Variants in PCDHGA3 observed in about 807,000 individuals in gnomAD.
PCDHGA3 encodes the protein protocadherin gamma subfamily A, 3, also known as protocadherin gamma-A3.
Under a neutral mutation model 58.5 loss-of-function variants are expected in PCDHGA3, and 40 were observed. The ratio of observed to expected loss-of-function variants is 0.68; its 90% CI spans 0.53 to 0.89. The LOEUF is 0.89. PCDHGA3 is among the 40% of genes least tolerant of loss of function. The pLI is 0.00. For synonymous variants in PCDHGA3, 530 were observed against 525.7 expected (o/e 1.01, Z -0.11); for missense variants, 1,223 against 1,195.9 (o/e 1.02, Z -0.33).
At chr5:141,497,214 G>C (rs929868102) in intron 2 of PCDHGA3, among the ~76,000 whole-genome samples, 2 of 152,138 alleles carry the variant, frequency 1.3e-5, no homozygotes, top group African/African-American at 4.8e-5. Flanking sequence ...TGTAATGGGG[G>C]GGGGAAGATC....
intron 1 of PCDHGA3, chr5:141,359,926 C>T: frequency 2.2e-6 from 1 of 454,778 alleles, no homozygotes; most frequent in Non-Finnish European, 3.7e-6. Flanking sequence ...CCTGAGAAAA[C>T]CTCTGAGCGT....
rs189824439 is a variant in PCDHGA3 at position 141,393,729 on chromosome 5, A to G, written c.2424+47272A>G. ...TACTGGGGAAATATCAATAGCAAAA[A>G]GTCTAGATTATGAAGAATGTTCATT... On this transcript the variant is annotated intron_variant, in intron 1 of 3. Transcript: ENST00000253812. 7.2e-4 allele frequency: 1,163 copies of G among 1,613,856 alleles called. 2 individuals carry two copies. Among genetic ancestry groups the G allele is most frequent in the Non-Finnish European group, 7.9e-4 (934 of 1,179,868 alleles).
intron 1 of PCDHGA3, among the ~76,000 whole-genome samples, chr5:141,386,959 G>A (rs1339408726): frequency 6.6e-6 from 1 of 152,220 alleles, no homozygotes; most frequent in Non-Finnish European, 1.5e-5. Flanking sequence ...CAGTGCAGCA[G>A]ATCTCAGTGA....
chr5:141,419,759 G>A (rs1179602962), intron 1 of PCDHGA3: 2 of 1,614,004 alleles, frequency 1.2e-6, no homozygotes, highest in Admixed American at 3.3e-5. Context: ...TGCTTTGGGT[G>A]ACAAGGACTC....
chr5:141,490,229 T>C lies in PCDHGA3; in HGVS notation c.2425-4578T>C. The C allele has an allele frequency of 6.2e-7, 1 of 1,614,198 alleles. No individual in the cohort carries two copies. Among genetic ancestry groups the C allele is most frequent in the Non-Finnish European group, 8.5e-7 (1 of 1,180,034 alleles). On this transcript the variant is annotated intron_variant, in intron 1 of 3. Coordinates refer to ENST00000253812, the MANE Select transcript of PCDHGA3 (RefSeq NM_018916.4). The surrounding 1 kb of genome is among the most constrained non-coding windows in gnomAD (Gnocchi z 5.4). ...GCCCGTGACCAGGGACAGCCTGCCA[T>C]GGAGGGCCACTGTGTGATTCAAGTG... is the stretch of plus-strand genomic sequence containing the variant.
In PCDHGA3 at chr5:141,476,529, A is replaced by G. The variant is rs752442904; in HGVS notation, c.2425-18278A>G. On this transcript the variant is annotated intron_variant, in intron 1 of 3. Coordinates refer to ENST00000253812, the MANE Select transcript of PCDHGA3 (RefSeq NM_018916.4). The surrounding 1 kb of genome is among the most constrained non-coding windows in gnomAD (Gnocchi z 7.6). ...GACAACAATCCTGCTTTCCCTACCCAGGAAATGAAATTGGAGATTAGCGAG... is the reference window on the plus strand; with the variant it reads ...GACAACAATCCTGCTTTCCCTACCCGGGAAATGAAATTGGAGATTAGCGAG... 2.8e-5 allele frequency: 46 copies of G among 1,614,198 alleles called. No individual in the cohort carries two copies. Among genetic ancestry groups the G allele is most frequent in the Non-Finnish European group, 3.8e-5 (45 of 1,180,044 alleles).
intron 1 of PCDHGA3, among the ~76,000 whole-genome samples, chr5:141,363,599 G>A (rs1470952718): frequency 1.3e-5 from 2 of 152,206 alleles, no homozygotes; most frequent in African/African-American, 2.4e-5. Context: ...CAACTCAAAC[G>A]CTGTCTGAGA....
Position 141,356,831 on chromosome 5 carries a change from G to T in PCDHGA3, c.2424+10374G>T, listed in dbSNP as rs763145787. ...GACAGTGGAGACCCTCCACTCAGCA[G>T]CAATGTGTCACTGAGCCTCTTTGTG... On this transcript the variant is annotated intron_variant, in intron 1 of 3. Transcript: ENST00000253812. 40 of 1,614,030 alleles carry T rather than the reference G, an allele frequency of 2.5e-5. No individual in the cohort carries two copies. The highest frequency in any genetic ancestry group is 3.2e-5 in the Non-Finnish European group (38 of 1,180,004).
chr5:141,422,703 G>A (rs1473348513), intron 1 of PCDHGA3: 1 of 1,603,132 alleles, frequency 6.2e-7, no homozygotes, highest in Admixed American at 1.7e-5. Context: ...CTTACTCTCT[G>A]ACGGATGACA....
chr5:141,506,415 C>T lies in PCDHGA3; in HGVS notation c.2572+934C>T, dbSNP rs2099853185. 2.0e-5 allele frequency among the ~76,000 whole-genome samples: 3 copies of T among 148,290 alleles called. No homozygotes were observed. The South Asian group carries it at 6.4e-4, about 32-fold the overall frequency. On this transcript the variant is annotated intron_variant, in intron 3 of 3. Coordinates refer to ENST00000253812, the MANE Select transcript of PCDHGA3 (RefSeq NM_018916.4). ...GAGCAGAAAATCGCACCACTGCACT[C>T]CAGCCTGGGCAACAGTCTCGCTCTG...
At position 141,485,073 on chromosome 5, in the gene PCDHGA3, C is replaced by T. The variant is rs1167407526; in HGVS notation, c.2425-9734C>T. ...CGGCCGAACCGCGCCAGAGCTGGCG[C>T]GGGGAAAGGGAGATAGGTGTCTCCA... On this transcript the variant is annotated intron_variant, in intron 1 of 3. Transcript: ENST00000253812. The surrounding 1 kb of genome is among the most constrained non-coding windows in gnomAD (Gnocchi z 5.7). 3.3e-6 allele frequency: 3 copies of T among 922,354 alleles called. No homozygotes were observed. The highest frequency in any genetic ancestry group is 4.8e-5 in the East Asian group (2 of 41,404). 57.1% of individuals were successfully genotyped at this position (922,354 alleles called of 1,614,324 possible).
Position 141,394,738 on chromosome 5 carries a change from T to G in PCDHGA3, c.2424+48281T>G. ...GACAGAGATGCGCTCAAGCAGAGCCTCGTGGTGGCCGTCCAGGACCATGGC... is the reference window on the plus strand; with the variant it reads ...GACAGAGATGCGCTCAAGCAGAGCCGCGTGGTGGCCGTCCAGGACCATGGC... On this transcript the variant is annotated intron_variant, in intron 1 of 3. Coordinates refer to ENST00000253812, the MANE Select transcript of PCDHGA3 (RefSeq NM_018916.4). 3 of 1,613,412 alleles carry G rather than the reference T, an allele frequency of 1.9e-6. No homozygotes were observed. The African/African-American group carries it at 4.0e-5, about 21-fold the overall frequency.
intron 1 of PCDHGA3, chr5:141,398,671 A>G (rs759202675): frequency 1.2e-6 from 2 of 1,614,018 alleles, no homozygotes; most frequent in Non-Finnish European, 1.7e-6. Context: ...CTCATTAATA[A>G]TTAAGGAGAA....
At chr5:141,412,434 A>C (rs2095556498) in intron 1 of PCDHGA3, 1 of 152,240 alleles carries the variant, frequency 6.6e-6, no homozygotes, top group Admixed American at 6.5e-5. Flanking sequence ...CAAAAAGGTT[A>C]ATTAAGGCTC....
At chr5:141,366,687 A>C in intron 1 of PCDHGA3, 1 of 1,614,248 alleles carries the variant, frequency 6.2e-7, no homozygotes, top group Non-Finnish European at 8.5e-7. Context: ...GAGAGCTGTG[A>C]GAAAAGCGAG....
chr5:141,431,354 G>C lies in PCDHGA3; in HGVS notation c.2425-63453G>C. 6.2e-7 allele frequency: 1 copy of C among 1,614,036 alleles called. No individual in the cohort carries two copies. Among genetic ancestry groups the C allele is most frequent in the Non-Finnish European group, 8.5e-7 (1 of 1,180,038 alleles). ...GTACCCCGAATTGGTGCTGAAACGC[G>C]CCCTGGACCGCGAAGAAAAGGCTGC... On this transcript the variant is annotated intron_variant, in intron 1 of 3. Transcript: ENST00000253812. This position sits in a 1 kb window ranked among gnomAD's most constrained non-coding sequence, Gnocchi z 4.8.
chr5:141,388,447 G>C (rs775979306), intron 1 of PCDHGA3: 2 of 1,613,802 alleles, frequency 1.2e-6, no homozygotes, highest in Non-Finnish European at 1.7e-6. Flanking sequence ...AAATCAGATG[G>C]CAGTAAATAC....
rs1399250599 is a variant in PCDHGA3, at chr5:141,476,902, C to A, written c.2425-17905C>A. On this transcript the variant is annotated intron_variant, in intron 1 of 3. Coordinates refer to ENST00000253812, the MANE Select transcript of PCDHGA3 (RefSeq NM_018916.4). The surrounding 1 kb of genome is among the most constrained non-coding windows in gnomAD (Gnocchi z 7.6). ...TGGAGGATGCACCCTCCGGCACGCG[C>A]GTGGTACAAGTCCTTGCAACGGATC... 5 of 1,613,880 alleles carry A rather than the reference C, an allele frequency of 3.1e-6. No individual in the cohort carries two copies. Among genetic ancestry groups the A allele is most frequent in the South Asian group, 1.1e-5 (1 of 91,090 alleles).
chr5:141,367,687 T>G (rs1765289006), intron 1 of PCDHGA3: 1 of 152,072 alleles, frequency 6.6e-6, no homozygotes, highest in African/African-American at 2.4e-5. Flanking sequence ...AGAGAAGAAA[T>G]CAGTGTAAAG....
Sources: gnomAD v4.1 joint callset for allele counts (sites outside exome capture counted in the v4.1 genomes callset) on GRCh38, gnomAD v4.1.1 for gene constraint, Gnocchi (gnomAD v3.1) non-coding constraint, MANE v1.5 for transcripts, NCBI Gene and HGNC (gene_info 2026-07-23, HGNC 2026-07-21) for gene names.